Variants in NME7 observed in about 807,000 individuals in gnomAD.
NME7 encodes NME/NM23 family member 7.
NME7 carries 41 observed loss-of-function variants against 49.1 expected under a neutral mutation model. The ratio of observed to expected loss-of-function variants is 0.83; its 90% CI spans 0.65 to 1.08. NME7 has a LOEUF of 1.08. NME7 is among the 50% of genes least tolerant of loss of function. The pLI, the probability that NME7 is intolerant of heterozygous loss-of-function variation, is 0.00. For synonymous variants in NME7, 139 were observed against 150.6 expected (o/e 0.92, Z 0.56); for missense variants, 423 against 463.4 (o/e 0.91, Z 0.80).
At chr1:169,347,764 C>A (rs1311242197) in intron 1 of NME7, among the ~76,000 whole-genome samples, 3 of 152,134 alleles carry the variant, frequency 2.0e-5, no homozygotes, top group Admixed American at 6.6e-5. Flanking sequence ...CACTTTACTG[C>A]CACGTGTTAG....
intron 11 of NME7, among the ~76,000 whole-genome samples, chr1:169,143,000 AT>A (rs1658642755): frequency 6.6e-6 from 1 of 152,184 alleles, no homozygotes; most frequent in Non-Finnish European, 1.5e-5. Flanking sequence ...CATTTTATGA[AT>A]TTATAACAAC....
intron 7 of NME7, among the ~76,000 whole-genome samples, chr1:169,276,276 T>A (rs1025632793): frequency 3.7e-5 from 5 of 134,014 alleles, no homozygotes; most frequent in African/African-American, 1.3e-4. Flanking sequence ...CAGTTCCTCC[T>A]TGTACCTCTG....
At chr1:169,229,079 T>C (rs1647477410) in intron 10 of NME7, among the ~76,000 whole-genome samples, 4 of 152,308 alleles carry the variant, frequency 2.6e-5, no homozygotes, top group Middle Eastern at 6.8e-3. Flanking sequence ...AACAATTCAG[T>C]ATAGTCAAAA....
chr1:169,304,709 T>C (rs1651105307), intron 4 of NME7, among the ~76,000 whole-genome samples: 1 of 152,210 alleles, frequency 6.6e-6, no homozygotes, highest in African/African-American at 2.4e-5. Context: ...CATGGTTACA[T>C]AAGTTGTCCA....
chr1:169,284,449 G>A (rs1650181488), intron 7 of NME7: 1 of 151,760 alleles, frequency 6.6e-6, no homozygotes, highest in Non-Finnish European at 1.5e-5. Context: ...GTTTTTTCTT[G>A]TAAATTTAAG....
At chr1:169,309,457 A>T (rs1223851435) in intron 4 of NME7, among the ~76,000 whole-genome samples, 1 of 152,168 alleles carries the variant, frequency 6.6e-6, no homozygotes, top group Non-Finnish European at 1.5e-5. Flanking sequence ...ACAGCTGAAA[A>T]TCACCATGAC....
chr1:169,164,830 G>T (rs1198195925), intron 11 of NME7, among the ~76,000 whole-genome samples: 2 of 152,182 alleles, frequency 1.3e-5, no homozygotes, highest in Admixed American at 1.3e-4. Context: ...TGGGACAAAA[G>T]TTATAGAAAT....
chr1:169,234,364 T>G (rs1388968810), intron 9 of NME7, among the ~76,000 whole-genome samples: 1 of 152,248 alleles, frequency 6.6e-6, no homozygotes, highest in South Asian at 2.1e-4. Flanking sequence ...ATATAATAAG[T>G]GTGGATCATA....
chr1:169,239,636 T>C (rs530947693), intron 7 of NME7, among the ~76,000 whole-genome samples: 19 of 151,988 alleles, frequency 1.3e-4, no homozygotes, highest in African/African-American at 4.6e-4. Context: ...TGCACAAAAT[T>C]AGTGACATGG....
intron 7 of NME7, 79 bp downstream of exon 7, chr1:169,287,223 TC>T (rs1650309469): frequency 8.7e-7 from 1 of 1,148,954 alleles, no homozygotes; most frequent in South Asian, 1.4e-5. Context: ...TACTTTATTT[TC>T]TATACATAAA....
rs371723148 is a variant in NME7, at chr1:169,279,121, G to C, written c.754+8182C>G. Among the ~76,000 whole-genome samples, 85 of 152,280 alleles carry C rather than the reference G, an allele frequency of 5.6e-4. 1 individual carries two copies. The highest frequency in any genetic ancestry group is 1.9e-3 in the African/African-American group (79 of 41,574). ...TGTGGGGGTGCCTCCCAGTTAGGCT[G>C]CTTGGGGGTCAGGGGTCAGGGACCC... is the stretch of plus-strand genomic sequence containing the variant. On this transcript the variant is annotated intron_variant, in intron 7 of 11. Transcript: ENST00000367811.
chr1:169,228,866 G>A (rs970117552), intron 10 of NME7, among the ~76,000 whole-genome samples: 5 of 152,088 alleles, frequency 3.3e-5, no homozygotes, highest in African/African-American at 1.2e-4. Flanking sequence ...TTCTCTCAAT[G>A]GCCTTTGCAA....
intron 11 of NME7, among the ~76,000 whole-genome samples, chr1:169,138,771 C>A (rs1485603484): frequency 6.6e-6 from 1 of 152,040 alleles, no homozygotes; most frequent in Non-Finnish European, 1.5e-5. Context: ...AAGATAAAAA[C>A]CTCTTGATTC....
At chr1:169,295,305 T>C (rs911967909) in intron 6 of NME7, among the ~76,000 whole-genome samples, 9 of 152,136 alleles carry the variant, frequency 5.9e-5, no homozygotes, top group Admixed American at 5.2e-4. Context: ...ATCTAACAAG[T>C]ATATTTATGC....
At chr1:169,245,963 T>C (rs997795378) in intron 7 of NME7, among the ~76,000 whole-genome samples, 1 of 152,210 alleles carries the variant, frequency 6.6e-6, no homozygotes, top group Non-Finnish European at 1.5e-5. Flanking sequence ...ACCACTTCAC[T>C]GATAATCTTC....
chr1:169,191,158 C>T (rs1660219281), intron 10 of NME7, among the ~76,000 whole-genome samples: 1 of 152,126 alleles, frequency 6.6e-6, no homozygotes, highest in Admixed American at 6.5e-5. Flanking sequence ...TGGTGAAGTG[C>T]TATTTAGACA....
intron 10 of NME7, among the ~76,000 whole-genome samples, chr1:169,181,364 TACACACACACACACAC>T (rs58453647): frequency 2.2e-5 from 2 of 91,466 alleles, no homozygotes; most frequent in South Asian, 3.6e-4. Flanking sequence ...CTCAAATTCC[TACACACACACACACAC>T]ACACACACAC....
intron 7 of NME7, among the ~76,000 whole-genome samples, chr1:169,238,573 G>C (rs1207967659): frequency 6.6e-6 from 1 of 151,370 alleles, no homozygotes; most frequent in Non-Finnish European, 1.5e-5. Context: ...TGTACTATTA[G>C]TGTCTGAATG....
intron 7 of NME7, among the ~76,000 whole-genome samples, chr1:169,246,056 G>A (rs1005036964): frequency 2.0e-5 from 3 of 152,048 alleles, no homozygotes; most frequent in Non-Finnish European, 4.4e-5. Context: ...GAAAAATATT[G>A]TAGAATTATA....
Sources: allele counts gnomAD v4.1 joint callset (sites outside exome capture counted in the v4.1 genomes callset), GRCh38; gene constraint gnomAD v4.1.1; transcripts MANE v1.5; gene names NCBI Gene and HGNC (gene_info 2026-07-23, HGNC 2026-07-21).